SERPINA6: variants seen among roughly 807,000 people sequenced by gnomAD.
SERPINA6 encodes corticosteroid-binding globulin.
Under a neutral mutation model 26.4 loss-of-function variants are expected in SERPINA6, and 19 were observed. The observed-to-expected ratio is 0.72, with a 90% CI of 0.50 to 1.06. The LOEUF is 1.06. Among genes scored for constraint, SERPINA6 ranks in the 50% least tolerant of loss-of-function variants. The pLI is 0.00. For missense variants in SERPINA6, 473 were observed against 504.0 expected, an observed-to-expected ratio of 0.94 and a Z score of 0.59; for synonymous variants, 196 against 199.4, an observed-to-expected ratio of 0.98 and a Z score of 0.14.
At chr14:94,310,060 G>T in intron 2 of SERPINA6, 54 bp from the exon 3 acceptor site, 2 of 1,581,818 alleles carry the variant, frequency 1.3e-6, no homozygotes, top group Non-Finnish European at 1.7e-6. Context: ...ACAGTTCCAG[G>T]TGATCTCACG....
chr14:94,304,655 T>G (rs1895410790), intron 4 of SERPINA6, 52 bp from the exon 5 acceptor site: 1 of 1,490,654 alleles, frequency 6.7e-7, no homozygotes, highest in Non-Finnish European at 9.3e-7. Context: ...GCGTTCTCGC[T>G]TTCCTGACTC....
At chr14:94,319,177 G>A (rs1275772214) in intron 1 of SERPINA6, among the ~76,000 whole-genome samples, 4 of 152,216 alleles carry the variant, frequency 2.6e-5, no homozygotes. Context: ...GGCACACCAG[G>A]CATGATGGCC....
At chr14:94,311,920 C>T (rs1020724258) in intron 2 of SERPINA6, among the ~76,000 whole-genome samples, 37 of 151,976 alleles carry the variant, frequency 2.4e-4, no homozygotes, top group Non-Finnish European at 4.1e-4. Flanking sequence ...TGCACTCCAG[C>T]CTGGGCAACT....
At chr14:94,307,100 A>C in intron 3 of SERPINA6, among the ~76,000 whole-genome samples, 1 of 152,182 alleles carries the variant, frequency 6.6e-6, no homozygotes, top group Non-Finnish European at 1.5e-5. Flanking sequence ...AGGGAGAAGA[A>C]CCAGAGGCGA....
chr14:94,321,049 T>C (rs1320499516), intron 1 of SERPINA6, among the ~76,000 whole-genome samples: 1 of 152,142 alleles, frequency 6.6e-6, no homozygotes, highest in Non-Finnish European at 1.5e-5. Context: ...AATTAGGTGA[T>C]GTGGGACAGG....
rs764555427 is a variant in SERPINA6 at position 94,309,904 on chromosome 14, G to T, written c.716C>A (p.Thr239Asn). The change falls in exon 3 of 5, where the codon ACC (threonine) becomes AAC (asparagine). Residue 239 changes from threonine to asparagine, a missense_variant. Transcript: ENST00000341584. ...VKVPMMLQSS[T>N]ISYLHDSELP... The stretch of plus-strand genomic sequence containing the variant: ...CTCCGAGTCATGAAGGTAACTGATG[G>T]TGCTCGACTGCAACATCATGGGCAC... The T allele has an allele frequency of 6.2e-7, 1 of 1,614,108 alleles. No individual in the cohort carries two copies.
chr14:94,312,417 C>T (rs1895544818), intron 2 of SERPINA6, among the ~76,000 whole-genome samples: 1 of 152,160 alleles, frequency 6.6e-6, no homozygotes. Flanking sequence ...GTTGCCTGAA[C>T]CTCTGTGCAA....
At chr14:94,305,597 A>C (rs1895426154) in intron 4 of SERPINA6, among the ~76,000 whole-genome samples, 1 of 152,216 alleles carries the variant, frequency 6.6e-6, no homozygotes. Flanking sequence ...CAGGGCCTAC[A>C]CAGTTTGGGA....
chr14:94,322,676 A>G (rs1346187064), intron 1 of SERPINA6, among the ~76,000 whole-genome samples: 1 of 152,214 alleles, frequency 6.6e-6, no homozygotes, highest in African/African-American at 2.4e-5. Flanking sequence ...CAAATGCCCT[A>G]TGAGCCAGGC....
In SERPINA6 at chr14:94,314,050, T is replaced by C. The variant is rs754482221; in HGVS notation, c.599A>G (p.Tyr200Cys). 3.7e-6 allele frequency: 6 copies of C among 1,614,004 alleles called. No homozygotes were observed. Among genetic ancestry groups the C allele is most frequent in the Non-Finnish European group, 5.1e-6 (6 of 1,180,034 alleles). The change falls in exon 2 of 5, where the codon TAT becomes TGT. Residue 200 changes from tyrosine to cysteine, a missense_variant. Transcript: ENST00000341584. Reference protein sequence around the residue: ...DSPAILVLVNYIFFKGTWTQP... With the variant: ...DSPAILVLVNCIFFKGTWTQP... ...GGTGGGAATACCTTTGAAGAAGATA[T>C]AGTTGACCAGGACGAGGATGGCTGG...
intron 2 of SERPINA6, among the ~76,000 whole-genome samples, chr14:94,311,361 T>C (rs1895526981): frequency 1.3e-5 from 2 of 152,230 alleles, no homozygotes; most frequent in South Asian, 4.1e-4. Flanking sequence ...AAAATATTTT[T>C]CATTGTTAGG....
chr14:94,313,769 C>T, intron 2 of SERPINA6: 1 of 605,340 alleles, frequency 1.7e-6, no homozygotes, highest in Non-Finnish European at 3.0e-6. Context: ...CATGAAGCAG[C>T]CAGACTGTTC....
chr14:94,315,903 G>A (rs1416327113), intron 1 of SERPINA6, among the ~76,000 whole-genome samples: 3 of 146,440 alleles, frequency 2.0e-5, no homozygotes, highest in African/African-American at 7.4e-5. Flanking sequence ...TCATCCCTTT[G>A]TGGTTATTAT....
intron 3 of SERPINA6, among the ~76,000 whole-genome samples, chr14:94,309,329 C>T (rs1267869234): frequency 1.7e-5 from 2 of 115,800 alleles, no homozygotes; most frequent in African/African-American, 6.1e-5. Context: ...TTATCATTTT[C>T]ATTATATTTC....
chr14:94,304,938 T>C (rs987890052), intron 4 of SERPINA6, among the ~76,000 whole-genome samples: 2 of 152,228 alleles, frequency 1.3e-5, no homozygotes, highest in African/African-American at 4.8e-5. Context: ...TCTTGCTCCC[T>C]TTCCACTCTG....
At chr14:94,309,612 A>C in intron 3 of SERPINA6, 124 bp downstream of exon 3, 1 of 1,137,760 alleles carries the variant, frequency 8.8e-7, no homozygotes, top group East Asian at 2.4e-5. Context: ...AGCAGACAGG[A>C]AAACTGAGCC....
At chr14:94,310,895 T>C (rs1348733461) in intron 2 of SERPINA6, among the ~76,000 whole-genome samples, 3 of 152,210 alleles carry the variant, frequency 2.0e-5, no homozygotes, top group Admixed American at 2.0e-4. Flanking sequence ...CTGGCTGCCA[T>C]TGACCACAAG....
At chr14:94,318,378 A>G (rs1566729523) in intron 1 of SERPINA6, among the ~76,000 whole-genome samples, 2 of 152,226 alleles carry the variant, frequency 1.3e-5, no homozygotes, top group South Asian at 4.1e-4. Context: ...AATACTGAAG[A>G]AGAACAAAGT....
chr14:94,314,598 G>A lies in SERPINA6; in HGVS notation c.51C>T (p.Leu17=). 6.2e-7 allele frequency: 1 copy of A among 1,614,242 alleles called. No homozygotes were observed. The highest frequency in any genetic ancestry group is 2.2e-5 in the East Asian group (1 of 44,892). The change falls in exon 2 of 5, where the codon CTC becomes CTT. Residue 17 remains leucine (L), a synonymous_variant. Transcript: ENST00000341584. ...TCLLWLPTSG[L]WTVQAMDPNA... is the part of the protein sequence containing the mutation. ...TAGGATCCATGGCCTGGACGGTCCA[G>A]AGGCCGCTGGTGGGCAGCCAGAGAA... is the stretch of plus-strand genomic sequence containing the variant.
Sources: allele counts gnomAD v4.1 joint callset (sites outside exome capture counted in the v4.1 genomes callset), GRCh38; gene constraint gnomAD v4.1.1; transcripts MANE v1.5; gene names NCBI Gene and HGNC (gene_info 2026-07-23, HGNC 2026-07-21).